The following EFL1 variants were observed in gnomAD, a reference collection of about 807,000 sequenced individuals.
The protein encoded by EFL1 is elongation factor-like GTPase 1.
EFL1 carries 76 observed loss-of-function variants against 126.7 expected under a neutral mutation model. The ratio of observed to expected loss-of-function variants is 0.60; its 90% CI spans 0.50 to 0.73. The LOEUF (loss-of-function observed/expected upper bound fraction) is 0.73. Among genes scored for constraint, EFL1 ranks in the 30% least tolerant of loss-of-function variants. EFL1 has a pLI of 0.00. For synonymous variants in EFL1, 410 were observed against 448.4 expected (o/e 0.91, Z 1.08); for missense variants, 1,128 against 1,343.2 (o/e 0.84, Z 2.50).
intron 16 of EFL1, among the ~76,000 whole-genome samples, chr15:82,158,738 G>A (rs1406270513): frequency 1.3e-5 from 2 of 152,160 alleles, no homozygotes; most frequent in East Asian, 3.8e-4. Flanking sequence ...GATTAACTGG[G>A]AGCAGGAATA....
intron 11 of EFL1, among the ~76,000 whole-genome samples, chr15:82,226,843 G>A (rs1228864279): frequency 2.0e-5 from 3 of 152,164 alleles, no homozygotes; most frequent in Non-Finnish European, 4.4e-5. Context: ...CAGGGAGATG[G>A]GGAGGAATCA....
At chr15:82,185,452 T>A (rs1236144654) in intron 15 of EFL1, among the ~76,000 whole-genome samples, 2 of 151,988 alleles carry the variant, frequency 1.3e-5, no homozygotes, top group African/African-American at 4.8e-5. Context: ...TGTAAATACT[T>A]TAAAGACATT....
chr15:82,155,996 A>C (rs992402704), intron 17 of EFL1, among the ~76,000 whole-genome samples: 6 of 152,164 alleles, frequency 3.9e-5, no homozygotes, highest in Non-Finnish European at 7.4e-5. Flanking sequence ...CAAGTGGTAT[A>C]AAGGTCTTCT....
intron 16 of EFL1, among the ~76,000 whole-genome samples, chr15:82,163,158 T>C (rs1295227758): frequency 6.6e-6 from 1 of 152,204 alleles, no homozygotes; most frequent in African/African-American, 2.4e-5. Context: ...AGTGTGCAGA[T>C]AATCTGTCAA....
intron 17 of EFL1, among the ~76,000 whole-genome samples, chr15:82,157,064 T>A (rs1321670118): frequency 6.6e-6 from 1 of 152,206 alleles, no homozygotes; most frequent in Non-Finnish European, 1.5e-5. Flanking sequence ...CAGAAGTTTA[T>A]CTTAACCAAA....
chr15:82,163,327 C>T (rs185130170), intron 16 of EFL1, among the ~76,000 whole-genome samples: 9 of 152,214 alleles, frequency 5.9e-5, no homozygotes, highest in African/African-American at 1.7e-4. Context: ...AGATGACCTG[C>T]GGTCAGGAGT....
chr15:82,182,873 A>C (rs2074266393), intron 15 of EFL1, among the ~76,000 whole-genome samples: 1 of 152,112 alleles, frequency 6.6e-6, no homozygotes. Flanking sequence ...CATGGAGCCA[A>C]AATGTGGTAT....
intron 15 of EFL1, among the ~76,000 whole-genome samples, chr15:82,180,178 T>C (rs1282019953): frequency 6.6e-6 from 1 of 151,926 alleles, no homozygotes; most frequent in Non-Finnish European, 1.5e-5. Context: ...ATCTCTTAAC[T>C]CTTCCCCGTC....
At chr15:82,198,820 G>A (rs546455801) in intron 15 of EFL1, among the ~76,000 whole-genome samples, 77 of 152,258 alleles carry the variant, frequency 5.1e-4, no homozygotes, top group Non-Finnish European at 1.0e-3. Flanking sequence ...TCCAACCAGA[G>A]GATGCCTTAT....
At chr15:82,234,488 G>C (rs2074852718) in intron 7 of EFL1, among the ~76,000 whole-genome samples, 1 of 151,984 alleles carries the variant, frequency 6.6e-6, no homozygotes, top group South Asian at 2.1e-4. Context: ...TTTAGCTCTA[G>C]TATCATCTTT....
chr15:82,142,951 G>T (rs765735385), intron 18 of EFL1, among the ~76,000 whole-genome samples: 10 of 152,194 alleles, frequency 6.6e-5, no homozygotes, highest in Non-Finnish European at 1.5e-4. Context: ...CCATTTGGGT[G>T]AACATTATCT....
intron 14 of EFL1, among the ~76,000 whole-genome samples, chr15:82,215,429 C>T (rs1056444845): frequency 2.6e-5 from 4 of 151,946 alleles, no homozygotes; most frequent in Admixed American, 2.6e-4. Flanking sequence ...ATTAGGAACA[C>T]TAATGAGAGG....
intron 15 of EFL1, among the ~76,000 whole-genome samples, chr15:82,208,890 G>C (rs2074553971): frequency 6.6e-6 from 1 of 151,978 alleles, no homozygotes; most frequent in South Asian, 2.1e-4. Flanking sequence ...TCCCATTAAA[G>C]TCTGGAAGGA....
intron 18 of EFL1, among the ~76,000 whole-genome samples, chr15:82,145,152 A>G (rs1360360141): frequency 6.6e-6 from 1 of 151,740 alleles, no homozygotes; most frequent in Non-Finnish European, 1.5e-5. Context: ...AAAAATATAA[A>G]ATTAGCCGGG....
chr15:82,225,080 G>A lies in EFL1; in HGVS notation c.1292+85C>T, dbSNP rs765335659. On this transcript the variant is annotated intron_variant, in intron 12 of 19. Coordinates refer to ENST00000268206, the MANE Select transcript of EFL1 (RefSeq NM_024580.6). ...GGGTTGAGGAGGAAAAGCATTATCC[G>A]TGCCCCCCCTACCCACAGCCCAACT... The A allele has an allele frequency of 8.1e-5, 79 of 975,216 alleles. 2 individuals are homozygous for A. The highest frequency in any genetic ancestry group is 5.0e-4 in the South Asian group (27 of 53,606). The allele number at this position is 975,216 out of a possible 1,614,324, so 60.4% of individuals were successfully genotyped here. A position where few individuals can be genotyped will look rare whatever the true frequency, so the allele number is the denominator to read the frequency against.
intron 15 of EFL1, among the ~76,000 whole-genome samples, chr15:82,210,862 C>CAAAAAAAAAAAAAAAAAA (rs76409669): frequency 9.2e-6 from 1 of 109,262 alleles, no homozygotes; most frequent in Non-Finnish European, 2.0e-5. Flanking sequence ...AACTCCATTA[C>CAAAAAAAAAAAAAAAAAA]AAAAAAAAAA....
rs2074947128 is a variant in EFL1, at chr15:82,243,818, G to A, written c.245-2415C>T. On this transcript the variant is annotated intron_variant, in intron 4 of 19. Transcript: ENST00000268206. ...TTTGAAATTCATTCAGGAAGGGCAG[G>A]TTCAGATCTAGAGAGGAACTGAAAG... 5.3e-5 allele frequency among the ~76,000 whole-genome samples: 8 copies of A among 151,938 alleles called. No homozygotes were observed. The South Asian group carries it at 1.7e-3, about 32-fold the overall frequency.
At chr15:82,190,328 G>A (rs183139165) in intron 15 of EFL1, among the ~76,000 whole-genome samples, 13 of 152,156 alleles carry the variant, frequency 8.5e-5, no homozygotes, top group African/African-American at 2.2e-4. Flanking sequence ...TCAATGCAAT[G>A]CCCTCTTAAT....
chr15:82,178,264 T>G (rs533603437), intron 15 of EFL1, among the ~76,000 whole-genome samples: 2 of 152,358 alleles, frequency 1.3e-5, no homozygotes, highest in South Asian at 4.1e-4. Flanking sequence ...GAAGTCTGAT[T>G]AATAATAACC....
Sources: gnomAD v4.1 joint callset for allele counts (sites outside exome capture counted in the v4.1 genomes callset) on GRCh38, gnomAD v4.1.1 for gene constraint, MANE v1.5 for transcripts, NCBI Gene and HGNC (gene_info 2026-07-23, HGNC 2026-07-21) for gene names.